MED23: variants seen among roughly 807,000 people sequenced by gnomAD.
MED23 encodes mediator of RNA polymerase II transcription subunit 23.
A neutral mutation model predicts 163.9 loss-of-function variants in MED23; 105 were observed. The ratio of observed to expected loss-of-function variants is 0.64; its 90% CI spans 0.55 to 0.75. The LOEUF (loss-of-function observed/expected upper bound fraction) is 0.75, where lower values mean the gene tolerates loss of function less well. Ranked by LOEUF, MED23 falls within the 30% of genes least tolerant of loss-of-function variation. The pLI, the probability that MED23 is intolerant of heterozygous loss-of-function variation, is 0.00. For synonymous variants in MED23, 561 were observed against 565.6 expected (o/e 0.99, Z 0.12); for missense variants, 1,054 against 1,649.0 (o/e 0.64, Z 6.25).
chr6:131,602,393 G>A lies in MED23; in HGVS notation c.1932-12C>T, dbSNP rs1439981582. On this transcript the variant is annotated splice_polypyrimidine_tract_variant and intron_variant, in intron 16 of 28. Coordinates refer to ENST00000368068, the MANE Select transcript of MED23 (RefSeq NM_004830.4). ...CAGTGCTCTCGACACTGAAAATTGGGAGAATAAAAAGAAATGTAAAAAAAT... is the reference window on the plus strand; with the variant it reads ...CAGTGCTCTCGACACTGAAAATTGGAAGAATAAAAAGAAATGTAAAAAAAT... The A allele has an allele frequency of 1.2e-6, 2 of 1,610,466 alleles. No homozygotes were observed. Among genetic ancestry groups the A allele is most frequent in the Non-Finnish European group, 1.7e-6 (2 of 1,178,370 alleles).
chr6:131,599,891 G>A, intron 18 of MED23, 147 bp downstream of exon 18: 1 of 964,438 alleles, frequency 1.0e-6, no homozygotes, highest in Non-Finnish European at 1.5e-6. Context: ...CTAGAGGCTT[G>A]TGCCACCATG....
intron 17 of MED23, 148 bp downstream of exon 17, chr6:131,602,070 T>C: frequency 1.2e-6 from 1 of 837,928 alleles, no homozygotes; most frequent in Non-Finnish European, 1.9e-6. Flanking sequence ...CTTCCATAAA[T>C]GAGTGAAATA....
At chr6:131,583,387 T>C (rs1372696715), downstream of MED23, 1 of 1,614,204 alleles carries the variant, frequency 6.2e-7, no homozygotes, top group Admixed American at 1.7e-5. Flanking sequence ...AGTTTTGATG[T>C]TGACGGACTG....
intron 10 of MED23, among the ~76,000 whole-genome samples, chr6:131,612,843 C>T (rs1222560592): frequency 2.0e-5 from 3 of 152,038 alleles, no homozygotes; most frequent in Non-Finnish European, 4.4e-5. Flanking sequence ...CAAATGATGT[C>T]GCTTTTCAGT....
rs774894016 is a variant in MED23, at chr6:131,628,169, G to T, written c.-120C>A. The T allele has an allele frequency of 3.4e-6, 4 of 1,168,088 alleles. No individual in the cohort carries two copies. The East Asian group carries it at 7.1e-5, about 21-fold the overall frequency. 72.4% of individuals were successfully genotyped at this position (1,168,088 alleles called of 1,614,324 possible). A position where few individuals can be genotyped will look rare whatever the true frequency, so the allele number is the denominator to read the frequency against. ...GAGGAAACCGTAGCTCCTCGGCGTC[G>T]CTTCCTCCCCCAGCGCTTTACCTGG... On this transcript the variant is annotated 5_prime_UTR_variant, in exon 1 of 29. Coordinates refer to ENST00000368068, the MANE Select transcript of MED23 (RefSeq NM_004830.4).
At chr6:131,582,677 T>A, downstream of MED23, 1 of 1,613,854 alleles carries the variant, frequency 6.2e-7, no homozygotes, top group Non-Finnish European at 8.5e-7. Context: ...CCAAGGATAT[T>A]GTGTATATTG....
intron 3 of MED23, among the ~76,000 whole-genome samples, chr6:131,625,346 C>T (rs573986571): frequency 1.3e-5 from 2 of 152,132 alleles, no homozygotes; most frequent in African/African-American, 4.8e-5. Flanking sequence ...ATATTACTGT[C>T]ACTGGGGGTA....
At chr6:131,612,289 A>T (rs1776334515) in intron 10 of MED23, among the ~76,000 whole-genome samples, 1 of 152,080 alleles carries the variant, frequency 6.6e-6, no homozygotes, top group Non-Finnish European at 1.5e-5. Context: ...ACATCAAAAA[A>T]AAAAAAAGAA....
chr6:131,620,035 C>T, intron 7 of MED23, 139 bp from the exon 8 acceptor site: 1 of 653,394 alleles, frequency 1.5e-6, no homozygotes, highest in South Asian at 1.7e-5. Context: ...TAAAGGTTAG[C>T]TCCCTTTTGC....
chr6:131,615,523 A>G (rs1776617708), intron 10 of MED23, among the ~76,000 whole-genome samples: 1 of 148,448 alleles, frequency 6.7e-6, no homozygotes, highest in South Asian at 2.1e-4. Context: ...AAAAAAAAAA[A>G]AAAAAAAAAA....
At chr6:131,627,929 C>T in intron 1 of MED23, 82 bp downstream of exon 1, 2 of 1,573,114 alleles carry the variant, frequency 1.3e-6, no homozygotes, top group Admixed American at 1.7e-5. Context: ...AGGAGGTTGC[C>T]CAGGCCAGTT....
exon 31 of MED23, chr6:131,574,116 A>T: frequency 2.6e-6 from 2 of 760,148 alleles, no homozygotes; most frequent in East Asian, 5.3e-5. Flanking sequence ...GTGATGACAG[A>T]ACACCTTAGA....
At chr6:131,626,122 C>CAAAA (rs138561737) in intron 3 of MED23, among the ~76,000 whole-genome samples, 3 of 59,684 alleles carry the variant, frequency 5.0e-5, no homozygotes, top group African/African-American at 9.8e-5. Context: ...ACTCTGTCTC[C>CAAAA]AAAAAAAAAA....
intron 10 of MED23, among the ~76,000 whole-genome samples, chr6:131,612,298 A>T (rs1776335948): frequency 1.3e-5 from 2 of 151,848 alleles, no homozygotes; most frequent in Admixed American, 1.3e-4. Flanking sequence ...AAAAAAAAAG[A>T]AAAGTCTGAG....
At chr6:131,622,892 G>A (rs565719067) in intron 5 of MED23, among the ~76,000 whole-genome samples, 2 of 152,176 alleles carry the variant, frequency 1.3e-5, no homozygotes, top group Non-Finnish European at 2.9e-5. Flanking sequence ...CGTTTTATGA[G>A]ACAAAACTAG....
intron 6 of MED23, among the ~76,000 whole-genome samples, chr6:131,621,389 A>T (rs987536759): frequency 3.7e-4 from 56 of 152,140 alleles, no homozygotes; most frequent in African/African-American, 1.3e-3. Flanking sequence ...AATTAAAATA[A>T]AATATAGAGA....
At chr6:131,596,738 A>G (rs753417342) in intron 20 of MED23, 50 bp from the exon 21 acceptor site, 5 of 1,531,290 alleles carry the variant, frequency 3.3e-6, no homozygotes, top group Non-Finnish European at 4.5e-6. Context: ...CCTGTGTAAA[A>G]TCATGAGGGC....
At chr6:131,617,464 CT>C (rs11289798) in intron 9 of MED23, among the ~76,000 whole-genome samples, 8,920 of 142,794 alleles carry the variant, frequency 0.062, 818 homozygotes, top group African/African-American at 0.21. Flanking sequence ...CATTAAATTT[CT>C]TTTTTTTTTT....
At position 131,598,251 on chromosome 6, in the gene MED23, C is replaced by T. The variant is rs1775219408; in HGVS notation, c.2607+36G>A. The T allele has an allele frequency of 3.2e-6, 5 of 1,582,768 alleles. No individual in the cohort carries two copies. Among genetic ancestry groups the T allele is most frequent in the Non-Finnish European group, 4.3e-6 (5 of 1,151,728 alleles). On this transcript the variant is annotated intron_variant, in intron 20 of 28. Transcript: ENST00000368068. The surrounding 1 kb of genome is among the most constrained non-coding windows in gnomAD (Gnocchi z 4.7). ...ACATATATTAGTCATACATCTTGAT[C>T]TAAGAGAATAAGCTTAGAAATGTAT...
Sources: gnomAD v4.1 joint callset for allele counts (sites outside exome capture counted in the v4.1 genomes callset) on GRCh38, gnomAD v4.1.1 for gene constraint, Gnocchi (gnomAD v3.1) non-coding constraint, MANE v1.5 for transcripts, NCBI Gene and HGNC (gene_info 2026-07-23, HGNC 2026-07-21) for gene names.